Variants in ATG7 observed in about 807,000 individuals in gnomAD.
ATG7 encodes the protein ubiquitin-like modifier-activating enzyme ATG7.
In ATG7, 70 loss-of-function variants were observed where a neutral mutation model predicts 82.4. The ratio of observed to expected loss-of-function variants is 0.85; its 90% CI spans 0.70 to 1.04. The LOEUF (loss-of-function observed/expected upper bound fraction) is 1.04. Among genes scored for constraint, ATG7 ranks in the 50% least tolerant of loss-of-function variants. The pLI is 0.00. For synonymous variants in ATG7, 287 were observed against 313.0 expected, an observed-to-expected ratio of 0.92 and a Z score of 0.88; for missense variants, 792 against 864.3, an observed-to-expected ratio of 0.92 and a Z score of 1.05.
the ATG7 span, chr3:11,564,821 T>C: frequency 6.3e-7 from 1 of 1,581,950 alleles, no homozygotes; most frequent in Non-Finnish European, 8.6e-7. Context: ...CCGGGGTCAG[T>C]GTGGGCGAGA....
chr3:11,403,952 TTTTTGTTTGCA>T (rs1464674967), intron 19 of ATG7, among the ~76,000 whole-genome samples: 1 of 152,162 alleles, frequency 6.6e-6, no homozygotes, highest in Non-Finnish European at 1.5e-5. Flanking sequence ...TTGGAATGTC[TTTTTGTTTGCA>T]TTTTTCCAAT....
At position 11,369,122 on chromosome 3, in the gene ATG7, G is replaced by A. The variant is rs186782250; in HGVS notation, c.1875+4388G>A. 2.1e-4 allele frequency among the ~76,000 whole-genome samples: 32 copies of A among 151,016 alleles called. 1 individual carries two copies. The highest frequency in any genetic ancestry group is 7.8e-4 in the African/African-American group (32 of 40,982). On this transcript the variant is annotated intron_variant, in intron 18 of 20. Transcript: ENST00000693202. ...GATATTTGGCCTTTCTGCACAGGCTGTGTCCCCCAAATCCTCAAGCCTTTA... is the reference window on the plus strand; with the variant it reads ...GATATTTGGCCTTTCTGCACAGGCTATGTCCCCCAAATCCTCAAGCCTTTA...
At chr3:11,506,554 C>CAAAAAAAAA (rs754696496) in intron 20 of ATG7, among the ~76,000 whole-genome samples, 1 of 24,920 alleles carries the variant, frequency 4.0e-5, no homozygotes, top group African/African-American at 1.7e-4. Flanking sequence ...CCCATCTCTA[C>CAAAAAAAAA]AAAAAAAAAA....
At chr3:11,335,794 T>G (rs1315692416) in intron 11 of ATG7, among the ~76,000 whole-genome samples, 1 of 152,038 alleles carries the variant, frequency 6.6e-6, no homozygotes, top group Non-Finnish European at 1.5e-5. Flanking sequence ...GCCTCCTGGG[T>G]TCAAGCGATT....
intron 17 of ATG7, 74 bp downstream of exon 17, chr3:11,363,002 C>A: frequency 7.8e-7 from 1 of 1,290,202 alleles, no homozygotes; most frequent in Non-Finnish European, 1.1e-6. Context: ...TCTCCCATGG[C>A]CTTTTCTCAG....
chr3:11,432,917 A>C (rs953240604), intron 20 of ATG7, among the ~76,000 whole-genome samples: 9 of 152,158 alleles, frequency 5.9e-5, no homozygotes, highest in Non-Finnish European at 1.2e-4. Flanking sequence ...TTTGGAACCC[A>C]GGGAAATGGC....
At chr3:11,354,946 G>A (rs1291266669) in intron 14 of ATG7, among the ~76,000 whole-genome samples, 1 of 152,220 alleles carries the variant, frequency 6.6e-6, no homozygotes, top group Non-Finnish European at 1.5e-5. Flanking sequence ...CCATGCCATA[G>A]CCCGTGAGAG....
intron 5 of ATG7, among the ~76,000 whole-genome samples, chr3:11,300,762 C>G (rs1946664528): frequency 6.6e-6 from 1 of 152,146 alleles, no homozygotes; most frequent in Admixed American, 6.5e-5. Flanking sequence ...CGGTTTTTCA[C>G]TTTCAGTACA....
chr3:11,373,681 G>A lies in ATG7; in HGVS notation c.1876-6291G>A, dbSNP rs113089366. Among the ~76,000 whole-genome samples the A allele has an allele frequency of 4.1e-3, 631 of 152,242 alleles. 5 individuals carry two copies. Among genetic ancestry groups the A allele is most frequent in the African/African-American group, 0.014 (587 of 41,540 alleles). On this transcript the variant is annotated intron_variant, in intron 18 of 20. Coordinates refer to ENST00000693202, the MANE Select transcript of ATG7 (RefSeq NM_001349232.2). ...AGGACAAATCTTTTTAACTTCTTTG[G>A]GAGTTGCGGCCTGGCCTCTCTCAAT... is the stretch of plus-strand genomic sequence containing the variant.
intron 20 of ATG7, among the ~76,000 whole-genome samples, chr3:11,452,366 C>T (rs949100079): frequency 2.7e-5 from 3 of 110,300 alleles, no homozygotes; most frequent in South Asian, 3.0e-4. Flanking sequence ...GTCTGGGCGA[C>T]AGAGCGAGAA....
intron 19 of ATG7, 73 bp downstream of exon 19, chr3:11,380,125 C>A: frequency 6.9e-7 from 1 of 1,454,406 alleles, no homozygotes; most frequent in Non-Finnish European, 9.7e-7. Flanking sequence ...GCCTCACCAG[C>A]TGGAGCCCTT....
intron 4 of ATG7, 125 bp downstream of exon 4, chr3:11,298,980 C>G: frequency 9.4e-7 from 1 of 1,065,304 alleles, no homozygotes; most frequent in South Asian, 1.7e-5. Context: ...TCACTAGTTT[C>G]TATTTTACTT....
At chr3:11,503,157 C>T (rs114914279) in intron 20 of ATG7, among the ~76,000 whole-genome samples, 1,840 of 152,198 alleles carry the variant, frequency 0.012, 15 homozygotes, top group Non-Finnish European at 0.02. Context: ...GAGCAGTTGT[C>T]GGGGGCTCTT....
intron 20 of ATG7, among the ~76,000 whole-genome samples, chr3:11,491,611 T>C (rs1448224197): frequency 6.6e-6 from 1 of 152,194 alleles, no homozygotes; most frequent in East Asian, 1.9e-4. Context: ...TTTTATCTAC[T>C]TTTGGTCTTT....
downstream of ATG7, among the ~76,000 whole-genome samples, chr3:11,560,994 A>G (rs541631032): frequency 2.0e-5 from 3 of 152,184 alleles, no homozygotes; most frequent in Non-Finnish European, 4.4e-5. Context: ...AAGCAGCAGC[A>G]AGAGAGCAGA....
Position 11,348,055 on chromosome 3 carries a change from G to C in ATG7, c.1284+20G>C, listed in dbSNP as rs749773211. On this transcript the variant is annotated intron_variant, in intron 14 of 20. Transcript: ENST00000693202. ...GGTGTGGTATGTTGTTGCTTTTGCA[G>C]AGGTTTTCTGTTATATGTATAAATG... The C allele has an allele frequency of 2.8e-5, 45 of 1,606,146 alleles. No homozygotes were observed. The South Asian group carries it at 4.6e-4, about 17-fold the overall frequency.
chr3:11,548,804 CTT>C (rs2071514864), intron 20 of ATG7, among the ~76,000 whole-genome samples: 1 of 152,208 alleles, frequency 6.6e-6, no homozygotes, highest in Non-Finnish European at 1.5e-5. Flanking sequence ...TGTTCCCAGT[CTT>C]TTCCTGTAAG....
At chr3:11,355,729 G>A (rs1406732117) in intron 14 of ATG7, among the ~76,000 whole-genome samples, 1 of 152,214 alleles carries the variant, frequency 6.6e-6, no homozygotes, top group Non-Finnish European at 1.5e-5. Context: ...TTGTCAGGGT[G>A]TGGAGCAACC....
At chr3:11,479,360 ATAAAG>A (rs1377457274) in intron 20 of ATG7, among the ~76,000 whole-genome samples, 2 of 152,254 alleles carry the variant, frequency 1.3e-5, no homozygotes, top group African/African-American at 4.8e-5. Context: ...GGCCGTGGCA[ATAAAG>A]TATTTTCATT....
Sources: allele counts gnomAD v4.1 joint callset (sites outside exome capture counted in the v4.1 genomes callset), GRCh38; gene constraint gnomAD v4.1.1; transcripts MANE v1.5; gene names NCBI Gene and HGNC (gene_info 2026-07-23, HGNC 2026-07-21).